The following GOLPH3 variants were observed in gnomAD, a reference collection of about 807,000 sequenced individuals.
GOLPH3 encodes coat protein GPP34.
Under a neutral mutation model 28.5 loss-of-function variants are expected in GOLPH3, and 14 were observed. That is an observed-to-expected ratio of 0.49 (90% confidence interval 0.32 to 0.77). The LOEUF is 0.77. Among genes scored for constraint, GOLPH3 ranks in the 30% least tolerant of loss-of-function variants. GOLPH3 has a pLI of 0.03. For synonymous variants in GOLPH3, 158 were observed against 159.2 expected (o/e 0.99, Z 0.06); for missense variants, 350 against 393.7 (o/e 0.89, Z 0.94).
intron 3 of GOLPH3, among the ~76,000 whole-genome samples, chr5:32,128,965 A>G (rs1004655482): frequency 6.6e-6 from 1 of 152,118 alleles, no homozygotes; most frequent in Non-Finnish European, 1.5e-5. Context: ...ATGGCGGGTT[A>G]CGCTTGTAAT....
Position 32,125,994 on chromosome 5 carries a change from A to T in GOLPH3, c.*218T>A. Reference sequence around the variant, plus strand: ...GGATGGCAACAGGGAATGGAATGCCAATATGGCAGTAAAACTTTTTTTAAA... The same window carrying T: ...GGATGGCAACAGGGAATGGAATGCCTATATGGCAGTAAAACTTTTTTTAAA... On this transcript the variant is annotated 3_prime_UTR_variant, in exon 4 of 4. Coordinates refer to ENST00000265070, the MANE Select transcript of GOLPH3 (RefSeq NM_022130.4). 2.0e-6 allele frequency: 1 copy of T among 498,702 alleles called. No homozygotes were observed. Among genetic ancestry groups the T allele is most frequent in the South Asian group, 3.4e-5 (1 of 29,772 alleles). The allele number at this position is 498,702 out of a possible 1,614,324, so 30.9% of individuals were successfully genotyped here. A position where few individuals can be genotyped will look rare whatever the true frequency, so the allele number is the denominator to read the frequency against.
At position 32,130,979 on chromosome 5, in the gene GOLPH3, C is replaced by G. The variant is rs74689186; in HGVS notation, c.473-4343G>C. Among the ~76,000 whole-genome samples the G allele has an allele frequency of 9.8e-3, 1,499 of 152,294 alleles. 26 individuals are homozygous for G. Among genetic ancestry groups the G allele is most frequent in the African/African-American group, 0.035 (1,457 of 41,558 alleles). On this transcript the variant is annotated intron_variant, in intron 3 of 3. Transcript: ENST00000265070. ...ATGTTTCTACTAAAAATTAGAAGAG[C>G]CTAAACACAGACCACCTTCAAATAA...
In GOLPH3 at chr5:32,156,260, G is replaced by A. The variant is rs1175461333; in HGVS notation, c.226-12380C>T. On this transcript the variant is annotated intron_variant, in intron 1 of 3. Transcript: ENST00000265070. Reference sequence around the variant, plus strand: ...TGCCTGTAATCCCAGCACTTTGGGAGGCTGAGGTGGGCGGATCGCCTGAGG... The same window carrying A: ...TGCCTGTAATCCCAGCACTTTGGGAAGCTGAGGTGGGCGGATCGCCTGAGG... Among the ~76,000 whole-genome samples, 3 of 152,262 alleles carry A rather than the reference G, an allele frequency of 2.0e-5. No individual in the cohort carries two copies. The East Asian group carries it at 5.8e-4, about 29-fold the overall frequency.
intron 3 of GOLPH3, among the ~76,000 whole-genome samples, 177 bp from the exon 4 acceptor site, chr5:32,126,813 T>A (rs985237004): frequency 6.6e-6 from 1 of 152,142 alleles, no homozygotes; most frequent in Non-Finnish European, 1.5e-5. Flanking sequence ...ACCTTTGGAT[T>A]CTAAGCACCC....
At chr5:32,161,085 A>AG in intron 1 of GOLPH3, among the ~76,000 whole-genome samples, 1 of 148,516 alleles carries the variant, frequency 6.7e-6, no homozygotes, top group African/African-American at 2.5e-5. Context: ...AAAAAAAAAA[A>AG]AAAAAAAATT....
At chr5:32,160,139 C>A (rs1347244889) in intron 1 of GOLPH3, among the ~76,000 whole-genome samples, 1 of 151,948 alleles carries the variant, frequency 6.6e-6, no homozygotes. Context: ...TTCAAGGCTG[C>A]AGTAAGCTAT....
chr5:32,142,606 G>A (rs1387183083), intron 2 of GOLPH3, among the ~76,000 whole-genome samples: 1 of 138,132 alleles, frequency 7.2e-6, no homozygotes, highest in Non-Finnish European at 1.6e-5. Context: ...AGGTGGGGGG[G>A]TCAGCCCCCT....
At chr5:32,159,229 G>A (rs1746522085) in intron 1 of GOLPH3, among the ~76,000 whole-genome samples, 1 of 152,120 alleles carries the variant, frequency 6.6e-6, no homozygotes, top group African/African-American at 2.4e-5. Flanking sequence ...TTCTAGATTT[G>A]GAATATTTGC....
chr5:32,140,399 T>G (rs1449968678), intron 2 of GOLPH3, among the ~76,000 whole-genome samples: 1 of 152,070 alleles, frequency 6.6e-6, no homozygotes, highest in Non-Finnish European at 1.5e-5. Context: ...CTTACGCCTA[T>G]AATCCCAGCA....
intron 3 of GOLPH3, among the ~76,000 whole-genome samples, chr5:32,131,126 G>A (rs1288446128): frequency 6.6e-6 from 1 of 152,148 alleles, no homozygotes; most frequent in African/African-American, 2.4e-5. Context: ...GGTAAACCCC[G>A]TGTGCTCACT....
At chr5:32,145,863 T>C (rs1746171831) in intron 1 of GOLPH3, among the ~76,000 whole-genome samples, 1 of 152,140 alleles carries the variant, frequency 6.6e-6, no homozygotes, top group Non-Finnish European at 1.5e-5. Context: ...GACAGTTCTG[T>C]ACCACAGCTT....
chr5:32,138,387 T>G (rs75142774), intron 2 of GOLPH3, among the ~76,000 whole-genome samples: 2,989 of 152,248 alleles, frequency 0.02, 96 homozygotes, highest in African/African-American at 0.069. Flanking sequence ...AATTTTATTT[T>G]ATTTTATTAT....
intron 1 of GOLPH3, among the ~76,000 whole-genome samples, chr5:32,144,393 C>G (rs1457271137): frequency 1.3e-5 from 2 of 152,142 alleles, no homozygotes; most frequent in Admixed American, 1.3e-4. Context: ...GAGTTTGAGA[C>G]CAGACTGGAC....
chr5:32,170,567 G>A (rs1164079252), intron 1 of GOLPH3, among the ~76,000 whole-genome samples: 1 of 152,076 alleles, frequency 6.6e-6, no homozygotes, highest in Non-Finnish European at 1.5e-5. Context: ...CCTAAAAAGA[G>A]TACTATAGGT....
chr5:32,167,827 G>A lies in GOLPH3; in HGVS notation c.225+5983C>T, dbSNP rs1034094391. On this transcript the variant is annotated intron_variant, in intron 1 of 3. Transcript: ENST00000265070. ...TAATTAGCTGGGCATGATAGGGTGC[G>A]CCTATAGTCCCAGCTATTCAGGAGA... Among the ~76,000 whole-genome samples the A allele has an allele frequency of 5.9e-5, 9 of 151,868 alleles. No individual in the cohort carries two copies. In the East Asian group the frequency reaches 9.7e-4, roughly 16 times the overall value.
intron 1 of GOLPH3, among the ~76,000 whole-genome samples, chr5:32,158,388 C>A (rs1221782557): frequency 2.0e-5 from 3 of 152,178 alleles, no homozygotes; most frequent in African/African-American, 7.2e-5. Flanking sequence ...TTCTCTCCTA[C>A]TTCCCTTTGT....
intron 2 of GOLPH3, among the ~76,000 whole-genome samples, chr5:32,140,658 A>G (rs1197290001): frequency 4.7e-5 from 7 of 147,836 alleles, no homozygotes; most frequent in South Asian, 4.2e-4. Context: ...AGTGACACTC[A>G]GTCTCAGAAA....
At chr5:32,142,546 C>G in intron 2 of GOLPH3, among the ~76,000 whole-genome samples, 1 of 148,200 alleles carries the variant, frequency 6.7e-6, no homozygotes, top group Non-Finnish European at 1.5e-5. Context: ...GCCGCCCCTA[C>G]TGGGAAGTGA....
intron 1 of GOLPH3, among the ~76,000 whole-genome samples, chr5:32,151,609 T>C (rs1296130066): frequency 6.6e-6 from 1 of 152,202 alleles, no homozygotes; most frequent in African/African-American, 2.4e-5. Flanking sequence ...AAAGATGCTT[T>C]GTCATTCATA....
Sources: allele counts gnomAD v4.1 joint callset (sites outside exome capture counted in the v4.1 genomes callset), GRCh38; gene constraint gnomAD v4.1.1; transcripts MANE v1.5; gene names NCBI Gene and HGNC (gene_info 2026-07-23, HGNC 2026-07-21).